The following VPS18 variants were observed in gnomAD, a reference collection of about 807,000 sequenced individuals.
The protein encoded by VPS18 is vacuolar protein sorting-associated protein 18 homolog.
Under a neutral mutation model 82.0 loss-of-function variants are expected in VPS18, and 25 were observed. The ratio of observed to expected loss-of-function variants is 0.30; its 90% CI spans 0.22 to 0.43. The LOEUF (loss-of-function observed/expected upper bound fraction) is 0.43. VPS18 is among the 20% of genes least tolerant of loss of function. The probability of loss-of-function intolerance (pLI) is 1.00; values close to 1 mark genes in which losing one functional copy is unlikely to be tolerated. For synonymous variants in VPS18, 523 were observed against 543.0 expected, an observed-to-expected ratio of 0.96 and a Z score of 0.51; for missense variants, 1,168 against 1,311.1, an observed-to-expected ratio of 0.89 and a Z score of 1.69.
intron 4 of VPS18, among the ~76,000 whole-genome samples, chr15:40,901,777 G>A (rs1303374320): frequency 6.7e-6 from 1 of 149,300 alleles, no homozygotes; most frequent in Non-Finnish European, 1.5e-5. Flanking sequence ...GTGGTGGCAC[G>A]CACCTGTAAT....
rs1892290683 is a variant in VPS18, at chr15:40,899,148, T to C, written c.330T>C (p.Ser110=). ...GCCATGCTCTCCCCACTCCAGGCTC[T>C]CACCTGCTGATTGCCCTGAGCAGCA... ...VHKMFLDHTG[S]HLLIALSSTE... Residue 110 remains serine (S), a synonymous_variant, in exon 4 of 5, where the codon TCT becomes TCC. Transcript: ENST00000220509. The surrounding 1 kb of genome is among the most constrained non-coding windows in gnomAD (Gnocchi z 4.4). 6.2e-7 allele frequency: 1 copy of C among 1,611,632 alleles called. No homozygotes were observed. The highest frequency in any genetic ancestry group is 8.5e-7 in the Non-Finnish European group (1 of 1,178,042).
chr15:40,903,543 G>C lies in VPS18; in HGVS notation c.*202G>C, dbSNP rs1474458679. ...GCTTTTCATGCTGTTCTTCAGAGCT[G>C]CAGTTATGCCAGACCATCAGCCTGC... On this transcript the variant is annotated 3_prime_UTR_variant, in exon 5 of 5. Transcript: ENST00000220509. The C allele has an allele frequency of 1.5e-6, 1 of 688,724 alleles. No homozygotes were observed. The highest frequency in any genetic ancestry group is 3.1e-5 in the East Asian group (1 of 32,418). The allele number at this position is 688,724 out of a possible 1,614,324, so 42.7% of individuals were successfully genotyped here. A position where few individuals can be genotyped will look rare whatever the true frequency, so the allele number is the denominator to read the frequency against.
In VPS18 at chr15:40,903,768, C is replaced by T. The variant is rs929705095; in HGVS notation, c.*427C>T. 7.0e-5 allele frequency: 11 copies of T among 157,446 alleles called. No homozygotes were observed. Among genetic ancestry groups the T allele is most frequent in the African/African-American group, 2.6e-4 (11 of 41,632 alleles). 9.8% of individuals were successfully genotyped at this position (157,446 alleles called of 1,614,324 possible). ...GCTCTTCTCTCTCAGAAGAAGCCTT[C>T]TCTTCCTCCTGCCTGTAGGTGTCCC... On this transcript the variant is annotated 3_prime_UTR_variant, in exon 5 of 5. Coordinates refer to ENST00000220509, the MANE Select transcript of VPS18 (RefSeq NM_020857.3).
chr15:40,903,133 C>T lies in VPS18; in HGVS notation c.2714C>T (p.Ala905Val). Residue 905 changes from alanine (A) to valine (V), a missense_variant, in exon 5 of 5, where the codon GCT (alanine) becomes GTT (valine). Ala to Val is a moderately conservative substitution (Grantham distance 64, BLOSUM62 0). Transcript: ENST00000220509. ...GAGCTGCAGAGGAAGCTGGGGGCTG[C>T]TCCACCCCCAGCCAAGGGCTCTGCC... The part of the protein sequence containing the change: ...LEELQRKLGA[A>V]PPPAKGSARA... 2.5e-6 allele frequency: 4 copies of T among 1,609,514 alleles called. No individual in the cohort carries two copies. Among genetic ancestry groups the T allele is most frequent in the South Asian group, 1.1e-5 (1 of 90,778 alleles).
At chr15:40,896,887 A>G (rs549737953) in intron 2 of VPS18, among the ~76,000 whole-genome samples, 120 of 152,262 alleles carry the variant, frequency 7.9e-4, no homozygotes, top group African/African-American at 2.6e-3. Context: ...AGTATTGATT[A>G]GAGCATTCTT....
chr15:40,900,763 A>G lies in VPS18; in HGVS notation c.1945A>G (p.Met649Val), dbSNP rs764836133. 6.2e-6 allele frequency: 10 copies of G among 1,614,048 alleles called. No individual in the cohort carries two copies. The highest frequency in any genetic ancestry group is 1.1e-5 in the South Asian group (1 of 91,084). ...VQQVSQAIRY[M>V]EFCVNVLGET... ...GCAGGTGAGCCAGGCCATCCGCTAC[A>G]TGGAGTTCTGCGTGAACGTGCTGGG... Residue 649 changes from methionine (M) to valine (V), a missense_variant, in exon 4 of 5, where the codon ATG becomes GTG. By Grantham distance (21) the Met-to-Val change is conservative (BLOSUM62 1). Coordinates refer to ENST00000220509, the MANE Select transcript of VPS18 (RefSeq NM_020857.3). The surrounding 1 kb of genome is among the most constrained non-coding windows in gnomAD (Gnocchi z 5.4).
intron 2 of VPS18, among the ~76,000 whole-genome samples, 177 bp downstream of exon 2, chr15:40,896,256 TGGCAG>T (rs1892227553): frequency 6.6e-6 from 1 of 152,164 alleles, no homozygotes. Flanking sequence ...GTATCTGGCC[TGGCAG>T]GGCATGGTGG....
Position 40,899,588 on chromosome 15 carries a change from C to A in VPS18, c.770C>A (p.Pro257Gln). ...LFAAYTDHPP[P>Q]FREFPSNLGY... ...GCAGCTTACACGGACCACCCACCCCCATTCCGTGAGTTTCCCAGCAACCTG... is the reference window on the plus strand; with the variant it reads ...GCAGCTTACACGGACCACCCACCCCAATTCCGTGAGTTTCCCAGCAACCTG... The change falls in exon 4 of 5, where the codon CCA becomes CAA. Residue 257 changes from proline (P) to glutamine (Q), a missense_variant. By Grantham distance (76) the Pro-to-Gln change is moderately conservative. Coordinates refer to ENST00000220509, the MANE Select transcript of VPS18 (RefSeq NM_020857.3). This position sits in a 1 kb window ranked among gnomAD's most constrained non-coding sequence, Gnocchi z 4.4. 1 of 1,608,926 alleles carries A rather than the reference C, an allele frequency of 6.2e-7. No individual in the cohort carries two copies. Among genetic ancestry groups the A allele is most frequent in the Non-Finnish European group, 8.5e-7 (1 of 1,180,016 alleles).
At position 40,899,488 on chromosome 15, in the gene VPS18, A is replaced by C; in HGVS notation, c.670A>C (p.Thr224Pro). ...TGGGCGTAGCTTTGTTATTGCCACC[A>C]CTCGGCAGCGCCTCTTCCAGTTCAT... Reference protein sequence around the residue: ...PDGRSFVIATTRQRLFQFIGR... With the variant: ...PDGRSFVIATPRQRLFQFIGR... Residue 224 changes from threonine (T) to proline (P), a missense_variant, in exon 4 of 5, where the codon ACT becomes CCT. This residue lies in a region of VPS18 where 868 missense variants were observed against 939.8 expected (regional missense o/e 0.92). Coordinates refer to ENST00000220509, the MANE Select transcript of VPS18 (RefSeq NM_020857.3). This position sits in a 1 kb window ranked among gnomAD's most constrained non-coding sequence, Gnocchi z 4.4. The C allele has an allele frequency of 1.2e-6, 2 of 1,611,028 alleles. No homozygotes were observed. The highest frequency in any genetic ancestry group is 1.7e-6 in the Non-Finnish European group (2 of 1,179,046).
rs368564220 is a variant in VPS18 at position 40,903,204 on chromosome 15, C to T, written c.2785C>T (p.Arg929Trp). The T allele has an allele frequency of 2.4e-5, 39 of 1,610,744 alleles. No individual in the cohort carries two copies. Among genetic ancestry groups the T allele is most frequent in the South Asian group, 1.1e-4 (10 of 90,822 alleles). Residue 929 changes from arginine to tryptophan, a missense_variant, in exon 5 of 5, where the codon CGG (arginine) becomes TGG (tryptophan). Around this residue, in one of 3 missense-constraint regions of VPS18, gnomAD observed 296 missense variants for 354.0 expected, o/e 0.84. Transcript: ENST00000220509. ...TGGGGCTGCCACGGCAGGGCCCAGC[C>T]GGGAACAGCTCAAGGCTGACCTGGA... ...EGGAATAGPS[R>W]EQLKADLDEL... is the part of the protein sequence containing the mutation.
rs1892370343 is a variant in VPS18, at chr15:40,902,158, G to A, written c.2197-458G>A. 6.6e-6 allele frequency among the ~76,000 whole-genome samples: 1 copy of A among 150,958 alleles called. No homozygotes were observed. Among genetic ancestry groups the A allele is most frequent in the Non-Finnish European group, 1.5e-5 (1 of 67,808 alleles). ...GACGGAGTCTTGCTCTGTTTCCCAG[G>A]CAGGAGTGCAGTGGCCCAATCTCGG... is the stretch of plus-strand genomic sequence containing the variant. On this transcript the variant is annotated intron_variant, in intron 4 of 4. Coordinates refer to ENST00000220509, the MANE Select transcript of VPS18 (RefSeq NM_020857.3). The surrounding 1 kb of genome is among the most constrained non-coding windows in gnomAD (Gnocchi z 4.2).
rs1892319595 is a variant in VPS18, at chr15:40,900,070, C to T, written c.1252C>T (p.Arg418Trp). The T allele has an allele frequency of 6.2e-6, 10 of 1,613,612 alleles. No homozygotes were observed. Among genetic ancestry groups the T allele is most frequent in the South Asian group, 1.1e-5 (1 of 91,080 alleles). Residue 418 changes from arginine (R) to tryptophan (W), a missense_variant, in exon 4 of 5, where the codon CGG becomes TGG. Transcript: ENST00000220509. This position sits in a 1 kb window ranked among gnomAD's most constrained non-coding sequence, Gnocchi z 5.4. The part of the protein sequence containing the change: ...FDLAKEYCRE[R>W]PDCLDTVLAR... ...TCTGGCCAAAGAGTATTGTCGAGAG[C>T]GGCCCGACTGCCTGGACACGGTCCT...
At position 40,902,116 on chromosome 15, in the gene VPS18, C is replaced by CTT. The variant is rs35029205; in HGVS notation, c.2197-487_2197-486dup. On this transcript the variant is annotated intron_variant, in intron 4 of 4. Coordinates refer to ENST00000220509, the MANE Select transcript of VPS18 (RefSeq NM_020857.3). The surrounding 1 kb of genome is among the most constrained non-coding windows in gnomAD (Gnocchi z 4.2). ...GATTTCTTTCTTTCTTTCTTTCTTT[C>CTT]TTTTTTTTTTTTTTGAGACGGAGTC... 1.2e-3 allele frequency among the ~76,000 whole-genome samples: 145 copies of CTT among 124,278 alleles called. No individual in the cohort carries two copies. The highest frequency in any genetic ancestry group is 1.7e-3 in the Non-Finnish European group (107 of 61,910). The allele number at this position is 124,278 out of a possible 152,430, so 81.5% of individuals were successfully genotyped here.
Position 40,894,500 on chromosome 15 carries a change from G to C in VPS18, c.-269G>C. The C allele has an allele frequency of 2.8e-6, 1 of 363,336 alleles. No homozygotes were observed. The highest frequency in any genetic ancestry group is 8.0e-5 in the South Asian group (1 of 12,452). The allele number at this position is 363,336 out of a possible 1,614,324, so 22.5% of individuals were successfully genotyped here. ...TTGGGATCACCTGGCACCGGCTGAAGGGAGCCTGTGATTTTTTTGTAGCGG... is the reference window on the plus strand; with the variant it reads ...TTGGGATCACCTGGCACCGGCTGAACGGAGCCTGTGATTTTTTTGTAGCGG... On this transcript the variant is annotated 5_prime_UTR_variant, in exon 1 of 5. Coordinates refer to ENST00000220509, the MANE Select transcript of VPS18 (RefSeq NM_020857.3).
rs768213576 is a variant in VPS18, at chr15:40,902,814, G to A, written c.2395G>A (p.Asp799Asn). 2.0e-5 allele frequency: 33 copies of A among 1,614,176 alleles called. No individual in the cohort carries two copies. The highest frequency in any genetic ancestry group is 2.7e-5 in the Non-Finnish European group (32 of 1,180,026). ...CTTCTTTCCTGATTTCGTCACCATC[G>A]ACCACTTCAAGGAGGCGATCTGCAG... Reference protein sequence around the residue: ...LPFFPDFVTIDHFKEAICSSL... With the variant: ...LPFFPDFVTINHFKEAICSSL... Residue 799 changes from aspartate to asparagine, a missense_variant, in exon 5 of 5, where the codon GAC becomes AAC. Coordinates refer to ENST00000220509, the MANE Select transcript of VPS18 (RefSeq NM_020857.3). This position sits in a 1 kb window ranked among gnomAD's most constrained non-coding sequence, Gnocchi z 4.2.
chr15:40,898,176 A>T (rs185132348), intron 2 of VPS18, among the ~76,000 whole-genome samples: 2 of 150,246 alleles, frequency 1.3e-5, no homozygotes, highest in East Asian at 3.9e-4. Context: ...CCGTGGTCTC[A>T]ATCTCCTGAC....
In VPS18 at chr15:40,895,857, C is replaced by A. The variant is rs879214842; in HGVS notation, c.92-81C>A. ...AATATGTCAGGAAAGTGGCGAGGAG[C>A]ACTGTGGTGTTTTTTCTGCCTCTCC... On this transcript the variant is annotated intron_variant, in intron 1 of 4. Transcript: ENST00000220509. The A allele has an allele frequency of 4.0e-5, 63 of 1,575,732 alleles. No individual in the cohort carries two copies. In the South Asian group the frequency reaches 6.9e-4, roughly 17 times the overall value.
In VPS18 at chr15:40,900,889, C is replaced by A. The variant is rs777555148; in HGVS notation, c.2071C>A (p.His691Asn). 1 of 1,614,078 alleles carries A rather than the reference C, an allele frequency of 6.2e-7. No individual in the cohort carries two copies. The highest frequency in any genetic ancestry group is 2.2e-5 in the East Asian group (1 of 44,888). ...AYLEQAGASP[H>N]RVHYDLKYAL... is the part of the protein sequence containing the mutation. ...TCTGGAGCAGGCTGGGGCCAGCCCC[C>A]ACCGGGTGCATTACGACCTCAAGTA... Residue 691 changes from histidine to asparagine, a missense_variant, in exon 4 of 5, where the codon CAC (histidine) becomes AAC (asparagine). Coordinates refer to ENST00000220509, the MANE Select transcript of VPS18 (RefSeq NM_020857.3). The surrounding 1 kb of genome is among the most constrained non-coding windows in gnomAD (Gnocchi z 5.4).
At position 40,900,561 on chromosome 15, in the gene VPS18, G is replaced by A. The variant is rs1361819760; in HGVS notation, c.1743G>A (p.Glu581=). 3.7e-6 allele frequency: 6 copies of A among 1,613,858 alleles called. No homozygotes were observed. Among genetic ancestry groups the A allele is most frequent in the African/African-American group, 1.3e-5 (1 of 74,934 alleles). ...ACTGTCAGCACGAGGCCTACGAGGAGGCCCTGGCCGTGCTCGCCCGCCACC... is the reference window on the plus strand; with the variant it reads ...ACTGTCAGCACGAGGCCTACGAGGAAGCCCTGGCCGTGCTCGCCCGCCACC... ...AYHCQHEAYE[E]ALAVLARHRD... is the part of the protein sequence containing the mutation. The change falls in exon 4 of 5, where the codon GAG becomes GAA. Residue 581 remains glutamate (E), a synonymous_variant. Transcript: ENST00000220509. This position sits in a 1 kb window ranked among gnomAD's most constrained non-coding sequence, Gnocchi z 5.4.
Sources: allele counts gnomAD v4.1 joint callset (sites outside exome capture counted in the v4.1 genomes callset), GRCh38; gene constraint gnomAD v4.1.1; regional missense constraint gnomAD v4.1.1; non-coding constraint Gnocchi (gnomAD v3.1); transcripts MANE v1.5; gene names NCBI Gene and HGNC (gene_info 2026-07-23, HGNC 2026-07-21).